DYNC2I1: variants seen among roughly 807,000 people sequenced by gnomAD.
DYNC2I1 encodes the protein dynein 2 intermediate chain 1.
A neutral mutation model predicts 133.4 loss-of-function variants in DYNC2I1; 89 were observed. The observed-to-expected ratio is 0.67, with a 90% CI of 0.56 to 0.80. DYNC2I1 has a LOEUF of 0.80. Ranked by LOEUF, DYNC2I1 falls within the 30% of genes least tolerant of loss-of-function variation. The pLI is 0.00. For missense variants in DYNC2I1, 1,291 were observed against 1,314.5 expected (o/e 0.98, Z 0.28); for synonymous variants, 504 against 484.3 (o/e 1.04, Z -0.54).
chr7:158,914,931 T>C (rs1847872848), intron 14 of DYNC2I1, among the ~76,000 whole-genome samples: 2 of 152,256 alleles, frequency 1.3e-5, no homozygotes, highest in African/African-American at 4.8e-5. Flanking sequence ...TAACTTATAA[T>C]GCAGTCAGAT....
At chr7:158,843,277 C>T in the DYNC2I1 span, among the ~76,000 whole-genome samples, 31 of 151,022 alleles carry the variant, frequency 2.1e-4, no homozygotes, top group Admixed American at 1.1e-3. Context: ...TTTTGTTTTT[C>T]GAGATGGAGT....
In DYNC2I1 at chr7:158,871,442, GA is replaced by G. The variant is rs1484254254; in HGVS notation, c.375del (p.Asp126ThrfsTer39). 3 of 1,550,958 alleles carry G rather than the reference GA, an allele frequency of 1.9e-6. No homozygotes were observed. The highest frequency in any genetic ancestry group is 2.6e-6 in the Non-Finnish European group (3 of 1,146,950). On this transcript the variant is annotated frameshift_variant, in exon 3 of 25. Coordinates refer to ENST00000407559, the MANE Select transcript of DYNC2I1 (RefSeq NM_018051.5). LOFTEE classifies it high-confidence loss of function. ...CAGCAGAGGAAAGGACAGGGAAAAA[GA>G]AAAAGACAGAAGGGCCCGGAAGGAA... is the stretch of plus-strand genomic sequence containing the variant. ...SHSRGKDREK[E>X]KDRRARKEEL...
At chr7:158,888,759 T>A (rs188203072) in intron 7 of DYNC2I1, among the ~76,000 whole-genome samples, 2 of 152,206 alleles carry the variant, frequency 1.3e-5, no homozygotes, top group East Asian at 3.9e-4. Flanking sequence ...CGTGAGCCAC[T>A]GCGCTTGGCC....
downstream of DYNC2I1, among the ~76,000 whole-genome samples, chr7:158,956,977 C>T (rs1852215743): frequency 6.6e-6 from 1 of 151,850 alleles, no homozygotes; most frequent in Non-Finnish European, 1.5e-5. Flanking sequence ...CGGCATCGGG[C>T]TCCTTGGCGA....
At chr7:158,899,333 A>G (rs113388225) in intron 8 of DYNC2I1, among the ~76,000 whole-genome samples, 3 of 152,178 alleles carry the variant, frequency 2.0e-5, no homozygotes, top group African/African-American at 7.2e-5. Flanking sequence ...TGTGTACACA[A>G]ACACACATAC....
chr7:158,916,751 C>T (rs1453653743), intron 14 of DYNC2I1, among the ~76,000 whole-genome samples: 7 of 48,102 alleles, frequency 1.5e-4, no homozygotes, highest in South Asian at 1.5e-3. Context: ...AACGTCTACA[C>T]GCTGGTTGAC....
rs1841265937 is a variant in DYNC2I1, at chr7:158,856,718, C to T, written c.-18C>T. The T allele has an allele frequency of 1.6e-6, 2 of 1,233,710 alleles. No individual in the cohort carries two copies. The highest frequency in any genetic ancestry group is 4.2e-5 in the Admixed American group (1 of 23,662). The allele number at this position is 1,233,710 out of a possible 1,614,324, so 76.4% of individuals were successfully genotyped here. On this transcript the variant is annotated 5_prime_UTR_variant, in exon 1 of 25. Transcript: ENST00000407559. ...CCGGGGCCGAGGACACCGCGGCCGC[C>T]CGGGCCTGCGGGAAGCGATGGAGCC...
At chr7:158,908,200 T>G (rs1410593889) in intron 11 of DYNC2I1, among the ~76,000 whole-genome samples, 1 of 152,080 alleles carries the variant, frequency 6.6e-6, no homozygotes, top group Non-Finnish European at 1.5e-5. Context: ...TAGATATACA[T>G]TTAGTAAATC....
intron 3 of DYNC2I1, 98 bp downstream of exon 3, chr7:158,871,660 G>C: frequency 7.7e-7 from 1 of 1,307,042 alleles, no homozygotes; most frequent in East Asian, 2.5e-5. Flanking sequence ...TCTCTCCCCC[G>C]CTTCCCTCCT....
At position 158,871,323 on chromosome 7, in the gene DYNC2I1, G is replaced by C. The variant is rs1417291243; in HGVS notation, c.251G>C (p.Arg84Thr). Residue 84 changes from arginine to threonine, a missense_variant, in exon 3 of 25, where the codon AGG becomes ACG. By Grantham distance (71) the Arg-to-Thr change is moderately conservative (BLOSUM62 -1). Transcript: ENST00000407559. ...HTAKESPRGE[R>T]DRDRQRERRR... ...GCTAAGGAGAGTCCTCGTGGGGAGA[G>C]GGACAGAGACAGACAGAGGGAGAGG... The C allele has an allele frequency of 4.5e-6, 7 of 1,561,346 alleles. No homozygotes were observed. The highest frequency in any genetic ancestry group is 5.2e-6 in the Non-Finnish European group (6 of 1,152,206).
chr7:158,864,131 G>GCAGA, intron 1 of DYNC2I1, among the ~76,000 whole-genome samples: 1 of 150,334 alleles, frequency 6.7e-6, no homozygotes, highest in African/African-American at 2.5e-5. Context: ...GGGGGGGGGA[G>GCAGA]CAGACGTTCT....
intron 4 of DYNC2I1, among the ~76,000 whole-genome samples, chr7:158,879,060 C>T (rs7802242): frequency 0.063 from 9,480 of 150,862 alleles, 381 homozygotes; most frequent in African/African-American, 0.11. Context: ...CCGTGAGTGT[C>T]GGGCACCATG....
At chr7:158,917,018 G>A (rs1848426576) in intron 14 of DYNC2I1, among the ~76,000 whole-genome samples, 3 of 79,146 alleles carry the variant, frequency 3.8e-5, no homozygotes, top group African/African-American at 9.8e-5. Context: ...ACGTCGACAC[G>A]CTGGTTGACA....
At chr7:158,852,241 C>G (rs570422829), upstream of DYNC2I1, among the ~76,000 whole-genome samples, 2 of 152,082 alleles carry the variant, frequency 1.3e-5, no homozygotes, top group South Asian at 4.2e-4. Flanking sequence ...CCTGCCTCAG[C>G]CTCCTGAGTA....
chr7:158,894,332 CA>C (rs1325097522), intron 8 of DYNC2I1, among the ~76,000 whole-genome samples: 2 of 152,118 alleles, frequency 1.3e-5, no homozygotes, highest in Admixed American at 6.5e-5. Context: ...AAACAAAATC[CA>C]AAGTAGTTTC....
intron 17 of DYNC2I1, among the ~76,000 whole-genome samples, chr7:158,924,394 G>A (rs1253502323): frequency 1.3e-5 from 2 of 152,226 alleles, no homozygotes; most frequent in African/African-American, 4.8e-5. Flanking sequence ...TGGACTGAAG[G>A]TGCAGGCCGA....
the DYNC2I1 span, among the ~76,000 whole-genome samples, chr7:158,849,901 C>G: frequency 6.6e-6 from 1 of 152,264 alleles, no homozygotes; most frequent in South Asian, 2.1e-4. Context: ...TGAGCCCCCA[C>G]TCTGGTCTGT....
chr7:158,860,056 G>GT (rs34585662), intron 1 of DYNC2I1, among the ~76,000 whole-genome samples: 257 of 142,900 alleles, frequency 1.8e-3, no homozygotes, highest in Non-Finnish European at 1.5e-3. Context: ...TGGTATTAGA[G>GT]TTTTTTTTTT....
intron 10 of DYNC2I1, chr7:158,904,055 G>T (rs1324084255): frequency 6.6e-6 from 1 of 152,220 alleles, no homozygotes. Flanking sequence ...GTGGACGGTC[G>T]TAAAGACTAG....
Sources: allele counts gnomAD v4.1 joint callset (sites outside exome capture counted in the v4.1 genomes callset), GRCh38; gene constraint gnomAD v4.1.1; transcripts MANE v1.5; gene names NCBI Gene and HGNC (gene_info 2026-07-23, HGNC 2026-07-21).